Variants in IHH observed in about 807,000 individuals in gnomAD.
IHH encodes the protein indian hedgehog protein.
A neutral mutation model predicts 29.4 loss-of-function variants in IHH; 9 were observed. That is an observed-to-expected ratio of 0.31 (90% CI 0.18 to 0.53). The LOEUF is 0.53. Among genes scored for constraint, IHH ranks in the 20% least tolerant of loss-of-function variants. IHH has a pLI of 0.95. For missense variants in IHH, 454 were observed against 578.1 expected (o/e 0.79, Z 2.20); for synonymous variants, 254 against 252.7 (o/e 1.01, Z -0.05).
At position 219,059,253 on chromosome 2, in the gene IHH, G is replaced by C. The variant is rs1454606333; in HGVS notation, c.315+900C>G. ...TCCCAACGGATCTAGAAAGCCAGGG[G>C]CCTGCTTTCAGGGGGAAGCCTCGGG... On this transcript the variant is annotated intron_variant, in intron 1 of 2. Coordinates refer to ENST00000295731, the MANE Select transcript of IHH (RefSeq NM_002181.4). This position sits in a 1 kb window ranked among gnomAD's most constrained non-coding sequence, Gnocchi z 4.7. Among the ~76,000 whole-genome samples the C allele has an allele frequency of 2.0e-5, 3 of 152,244 alleles. No homozygotes were observed. The highest frequency in any genetic ancestry group is 7.2e-5 in the African/African-American group (3 of 41,462).
In IHH at chr2:219,059,382, A is replaced by G. The variant is rs564756220; in HGVS notation, c.315+771T>C. ...GGTGGAGCGCGGGTCCTACTCCAGC[A>G]TGCAGAGACTAGCGTCAGCCCTGGT... On this transcript the variant is annotated intron_variant, in intron 1 of 2. Coordinates refer to ENST00000295731, the MANE Select transcript of IHH (RefSeq NM_002181.4). This position sits in a 1 kb window ranked among gnomAD's most constrained non-coding sequence, Gnocchi z 4.7. 6.6e-6 allele frequency among the ~76,000 whole-genome samples: 1 copy of G among 152,288 alleles called. No homozygotes were observed. Among genetic ancestry groups the G allele is most frequent in the East Asian group, 1.9e-4 (1 of 5,172 alleles).
intron 1 of IHH, among the ~76,000 whole-genome samples, chr2:219,058,205 G>T (rs1404084990): frequency 6.6e-6 from 1 of 152,156 alleles, no homozygotes; most frequent in African/African-American, 2.4e-5. Flanking sequence ...GCCTGGGGAC[G>T]ACAGGCTCTG....
rs1474744793 is a variant in IHH at position 219,055,675 on chromosome 2, G to C, written c.768C>G (p.Ala256=). Residue 256 remains alanine (A), a synonymous_variant, in exon 3 of 3, where the codon GCC becomes GCG. Transcript: ENST00000295731. ...GGTCCTGAGTCTCGATGACCTGGAA[G>C]GCTCTCAGCCTGTGAGGCTCGCGGT... The part of the protein sequence containing the change: ...FLDREPHRLR[A]FQVIETQDPP... 6.2e-7 allele frequency: 1 copy of C among 1,614,080 alleles called. No homozygotes were observed. The highest frequency in any genetic ancestry group is 8.5e-7 in the Non-Finnish European group (1 of 1,179,972).
At position 219,055,777 on chromosome 2, in the gene IHH, G is replaced by C; in HGVS notation, c.666C>G (p.Ala222=). 1.2e-6 allele frequency: 2 copies of C among 1,613,442 alleles called. No homozygotes were observed. Among genetic ancestry groups the C allele is most frequent in the Non-Finnish European group, 1.7e-6 (2 of 1,179,976 alleles). ...CCAGCACACGGTCTCCCGGCCTCAC[G>C]GCTGACAAGGCCACACGCGCCCCAC... ...LESGARVALS[A]VRPGDRVLAM... The change falls in exon 3 of 3, where the codon GCC becomes GCG. Residue 222 remains alanine (A), a synonymous_variant. Transcript: ENST00000295731.
Position 219,055,643 on chromosome 2 carries a change from C to T in IHH, c.800G>A (p.Arg267His), listed in dbSNP as rs1036487197. 1.5e-5 allele frequency: 24 copies of T among 1,613,880 alleles called. No individual in the cohort carries two copies. The highest frequency in any genetic ancestry group is 6.7e-5 in the African/African-American group (5 of 74,922). The part of the protein sequence containing the change: ...FQVIETQDPP[R>H]RLALTPAHLL... ...GTGAGCGGGTGTGAGTGCCAGGCGG[C>T]GTGGGGGGTCCTGAGTCTCGATGAC... The change falls in exon 3 of 3, where the codon CGC becomes CAC. Residue 267 changes from arginine to histidine, a missense_variant. Arg to His is a conservative substitution (Grantham distance 29). Transcript: ENST00000295731.
Position 219,059,132 on chromosome 2 carries a change from G to C in IHH, c.315+1021C>G, listed in dbSNP as rs1254206766. On this transcript the variant is annotated intron_variant, in intron 1 of 2. Coordinates refer to ENST00000295731, the MANE Select transcript of IHH (RefSeq NM_002181.4). This position sits in a 1 kb window ranked among gnomAD's most constrained non-coding sequence, Gnocchi z 4.7. ...TCCTTATCTGCATTCCTCGGCGCCCGGCCCGGCCCGGCCACCAGCCAACCT... is the reference window on the plus strand; with the variant it reads ...TCCTTATCTGCATTCCTCGGCGCCCCGCCCGGCCCGGCCACCAGCCAACCT... Among the ~76,000 whole-genome samples, 1 of 152,178 alleles carries C rather than the reference G, an allele frequency of 6.6e-6. No homozygotes were observed. The highest frequency in any genetic ancestry group is 1.5e-5 in the Non-Finnish European group (1 of 68,026).
chr2:219,057,729 G>A lies in IHH; in HGVS notation c.316-35C>T, dbSNP rs773654486. On this transcript the variant is annotated intron_variant, in intron 1 of 2. Coordinates refer to ENST00000295731, the MANE Select transcript of IHH (RefSeq NM_002181.4). Reference sequence around the variant, plus strand: ...GAATGTGCGCGAAATCAACCAGAGCGAAATCAGCCGGAGGAGCCGGCCGAG... The same window carrying A: ...GAATGTGCGCGAAATCAACCAGAGCAAAATCAGCCGGAGGAGCCGGCCGAG... The A allele has an allele frequency of 2.5e-6, 4 of 1,599,860 alleles. No individual in the cohort carries two copies. The African/African-American group carries it at 5.3e-5, about 21-fold the overall frequency.
In IHH at chr2:219,055,744, C is replaced by T. The variant is rs1161143895; in HGVS notation, c.699G>A (p.Gly233=). The part of the protein sequence containing the change: ...VRPGDRVLAM[G]EDGSPTFSDV... ...CGCTGAAGGTGGGGCTCCCATCCTC[C>T]CCCATGGCCAGCACACGGTCTCCCG... Residue 233 remains glycine (G), a synonymous_variant, in exon 3 of 3, where the codon GGG becomes GGA. Coordinates refer to ENST00000295731, the MANE Select transcript of IHH (RefSeq NM_002181.4). 2 of 1,613,828 alleles carry T rather than the reference C, an allele frequency of 1.2e-6. No homozygotes were observed. Among genetic ancestry groups the T allele is most frequent in the Admixed American group, 1.7e-5 (1 of 60,034 alleles).
chr2:219,055,625 GGT>G lies in IHH; in HGVS notation c.816_817del (p.Pro273ArgfsTer8). Reference sequence around the variant, plus strand: ...GTCAGCCGTAAAGAGCAGGTGAGCGGGTGTGAGTGCCAGGCGGCGTGGGGGGT... The same window carrying G: ...GTCAGCCGTAAAGAGCAGGTGAGCGGGTGAGTGCCAGGCGGCGTGGGGGGT... On this transcript the variant is annotated frameshift_variant, in exon 3 of 3. Transcript: ENST00000295731. LOFTEE classifies it high-confidence loss of function. 6.2e-7 allele frequency: 1 copy of G among 1,614,056 alleles called. No homozygotes were observed. Among genetic ancestry groups the G allele is most frequent in the Non-Finnish European group, 8.5e-7 (1 of 1,179,984 alleles).
At chr2:219,056,478 T>C (rs3100776) in intron 2 of IHH, among the ~76,000 whole-genome samples, 20,044 of 152,056 alleles carry the variant, frequency 0.13, 2,322 homozygotes, top group East Asian at 0.46. Flanking sequence ...AGAACAGTGT[T>C]TGGGGGTCAG....
rs1214321654 is a variant in IHH, at chr2:219,059,317, G to C, written c.315+836C>G. On this transcript the variant is annotated intron_variant, in intron 1 of 2. Coordinates refer to ENST00000295731, the MANE Select transcript of IHH (RefSeq NM_002181.4). The surrounding 1 kb of genome is among the most constrained non-coding windows in gnomAD (Gnocchi z 4.7). ...AGGGGGTGAAGGTCTCTCCCCTCGC[G>C]GACCTGGCTGCTGGGAAGGAATTTG... is the stretch of plus-strand genomic sequence containing the variant. Among the ~76,000 whole-genome samples, 11 of 152,196 alleles carry C rather than the reference G, an allele frequency of 7.2e-5. No homozygotes were observed. The highest frequency in any genetic ancestry group is 7.2e-4 in the Admixed American group (11 of 15,286).
At position 219,060,787 on chromosome 2, in the gene IHH, G is replaced by A. The variant is rs1487487091; in HGVS notation, c.-320C>T. On this transcript the variant is annotated 5_prime_UTR_variant, in exon 1 of 3. Coordinates refer to ENST00000295731, the MANE Select transcript of IHH (RefSeq NM_002181.4). The surrounding 1 kb of genome is among the most constrained non-coding windows in gnomAD (Gnocchi z 8.8). ...GCGGGGGGCGGCGGGCGGCGGGGCT[G>A]CGGGCCGCCGGGCTGGGCTGGGCTG... Among the ~76,000 whole-genome samples, 1 of 146,542 alleles carries A rather than the reference G, an allele frequency of 6.8e-6. No homozygotes were observed. The highest frequency in any genetic ancestry group is 2.5e-5 in the African/African-American group (1 of 40,688).
intron 2 of IHH, 33 bp downstream of exon 2, chr2:219,057,400 G>A (rs753845660): frequency 3.2e-5 from 50 of 1,551,654 alleles, no homozygotes; most frequent in Non-Finnish European, 3.7e-5. Context: ...CTGCGGCCCC[G>A]GCCCCGGGCC....
intron 1 of IHH, among the ~76,000 whole-genome samples, chr2:219,057,983 T>C (rs914249798): frequency 6.6e-6 from 1 of 152,108 alleles, no homozygotes; most frequent in Non-Finnish European, 1.5e-5. Flanking sequence ...GGAGGTCCCC[T>C]CTCTCCTGTG....
chr2:219,058,391 G>T (rs911426346), intron 1 of IHH, among the ~76,000 whole-genome samples: 7 of 152,202 alleles, frequency 4.6e-5, no homozygotes, highest in African/African-American at 1.7e-4. Context: ...AGAAACCGGC[G>T]GATTAGCGCC....
chr2:219,057,748 G>A, intron 1 of IHH, 54 bp from the exon 2 acceptor site: 1 of 1,596,536 alleles, frequency 6.3e-7, no homozygotes, highest in Non-Finnish European at 8.5e-7. Flanking sequence ...CGGAGGAGCC[G>A]GCCGAGGTGC....
chr2:219,055,682 A>T lies in IHH; in HGVS notation c.761T>A (p.Leu254Gln). The T allele has an allele frequency of 1.2e-6, 2 of 1,614,036 alleles. No homozygotes were observed. The highest frequency in any genetic ancestry group is 8.5e-7 in the Non-Finnish European group (1 of 1,179,964). ...LIFLDREPHRLRAFQVIETQD... is the reference protein window; with the variant it reads ...LIFLDREPHRQRAFQVIETQD... ...AGTCTCGATGACCTGGAAGGCTCTC[A>T]GCCTGTGAGGCTCGCGGTCCAGGAA... The change falls in exon 3 of 3, where the codon CTG (leucine) becomes CAG (glutamine). Residue 254 changes from leucine (L) to glutamine (Q), a missense_variant. Physicochemically the swap from Leu to Gln is moderately radical, Grantham distance 113. Transcript: ENST00000295731.
intron 1 of IHH, among the ~76,000 whole-genome samples, chr2:219,058,184 T>A (rs930448441): frequency 1.1e-4 from 17 of 152,002 alleles, no homozygotes; most frequent in African/African-American, 4.1e-4. Context: ...CACCGCAGCC[T>A]CAGGGCTGAG....
chr2:219,055,012 T>C lies in IHH; in HGVS notation c.*195A>G. ...TCCCCTCGCCAGCTCAGCTTGCAGC[T>C]CTATGACTACACCACGACGGGGGTG... On this transcript the variant is annotated 3_prime_UTR_variant, in exon 3 of 3. Coordinates refer to ENST00000295731, the MANE Select transcript of IHH (RefSeq NM_002181.4). The C allele has an allele frequency of 1.6e-6, 1 of 638,380 alleles. No homozygotes were observed. The highest frequency in any genetic ancestry group is 2.7e-6 in the Non-Finnish European group (1 of 365,458). The allele number at this position is 638,380 out of a possible 1,614,324, so 39.5% of individuals were successfully genotyped here.
Sources: gnomAD v4.1 joint callset for allele counts (sites outside exome capture counted in the v4.1 genomes callset) on GRCh38, gnomAD v4.1.1 for gene constraint, Gnocchi (gnomAD v3.1) non-coding constraint, MANE v1.5 for transcripts, NCBI Gene and HGNC (gene_info 2026-07-23, HGNC 2026-07-21) for gene names.